Variants in FGGY observed in about 807,000 individuals in gnomAD.
The protein encoded by FGGY is FGGY carbohydrate kinase domain containing.
A neutral mutation model predicts 71.3 loss-of-function variants in FGGY; 72 were observed. The observed-to-expected ratio is 1.01, with a 90% CI of 0.84 to 1.23. The LOEUF (loss-of-function observed/expected upper bound fraction) is 1.23. Among genes scored for constraint, FGGY ranks in the 50% most tolerant of loss-of-function variants. The pLI is 0.00. For synonymous variants in FGGY, 251 were observed against 250.3 expected, an observed-to-expected ratio of 1.00 and a Z score of -0.02; for missense variants, 668 against 682.3, an observed-to-expected ratio of 0.98 and a Z score of 0.23.
chr1:59,303,073 G>A (rs1317726486), intron 1 of FGGY, among the ~76,000 whole-genome samples: 2 of 152,156 alleles, frequency 1.3e-5, no homozygotes, highest in Non-Finnish European at 2.9e-5. Flanking sequence ...ATTGTGAAAT[G>A]ATTACCACAA....
At chr1:59,353,627 T>G (rs899598042) in intron 4 of FGGY, among the ~76,000 whole-genome samples, 4 of 152,362 alleles carry the variant, frequency 2.6e-5, no homozygotes, top group East Asian at 3.9e-4. Context: ...CATTTACCAG[T>G]GCCGCCAGTC....
intron 7 of FGGY, among the ~76,000 whole-genome samples, chr1:59,533,014 C>A (rs140296130): frequency 2.0e-5 from 3 of 152,138 alleles, no homozygotes; most frequent in Non-Finnish European, 4.4e-5. Flanking sequence ...CCAAGATGGC[C>A]GAATAGGAAC....
chr1:59,535,624 C>G (rs1159380824), intron 7 of FGGY, among the ~76,000 whole-genome samples: 1 of 151,340 alleles, frequency 6.6e-6, no homozygotes, highest in Non-Finnish European at 1.5e-5. Context: ...GAAATTATAA[C>G]AAACTATCTC....
At chr1:59,549,424 TCAGA>T (rs2095574419) in intron 7 of FGGY, among the ~76,000 whole-genome samples, 1 of 152,214 alleles carries the variant, frequency 6.6e-6, no homozygotes, top group Non-Finnish European at 1.5e-5. Context: ...TGCCAACACA[TCAGA>T]CTCAAAGACT....
chr1:59,647,312 A>G (rs1448201826), intron 11 of FGGY, among the ~76,000 whole-genome samples: 1 of 152,230 alleles, frequency 6.6e-6, no homozygotes, highest in Non-Finnish European at 1.5e-5. Flanking sequence ...AAACCCTCAG[A>G]AGCAAGGCAA....
intron 8 of FGGY, among the ~76,000 whole-genome samples, chr1:59,600,637 G>A (rs771903289): frequency 1.3e-5 from 2 of 152,188 alleles, no homozygotes; most frequent in African/African-American, 2.4e-5. Flanking sequence ...TAAGCCATCT[G>A]TGGCTTAACA....
At chr1:59,573,187 T>C (rs2096016131) in intron 8 of FGGY, among the ~76,000 whole-genome samples, 1 of 152,142 alleles carries the variant, frequency 6.6e-6, no homozygotes, top group South Asian at 2.1e-4. Flanking sequence ...TGATGCTGAA[T>C]TGAATTGGAG....
intron 2 of FGGY, among the ~76,000 whole-genome samples, chr1:59,332,679 A>G (rs1023063370): frequency 2.6e-5 from 4 of 152,222 alleles, no homozygotes; most frequent in South Asian, 2.1e-4. Flanking sequence ...ACTGAAGGCC[A>G]TGATTGTAAT....
chr1:59,514,414 C>T (rs2094589672), intron 7 of FGGY, among the ~76,000 whole-genome samples: 1 of 152,186 alleles, frequency 6.6e-6, no homozygotes, highest in Non-Finnish European at 1.5e-5. Flanking sequence ...CCAGGACTCA[C>T]TATGTCCTCC....
chr1:59,396,714 T>C (rs2061370523), intron 5 of FGGY, among the ~76,000 whole-genome samples: 1 of 152,190 alleles, frequency 6.6e-6, no homozygotes, highest in South Asian at 2.1e-4. Flanking sequence ...TCTAGGAAAG[T>C]AATTTTTCTG....
intron 14 of FGGY, among the ~76,000 whole-genome samples, chr1:59,692,027 G>A (rs1573282129): frequency 1.3e-5 from 2 of 152,088 alleles, no homozygotes; most frequent in Non-Finnish European, 1.5e-5. Flanking sequence ...AAGGTACAAC[G>A]ATAAGAAAAA....
chr1:59,692,135 A>G (rs1171574849), intron 14 of FGGY, among the ~76,000 whole-genome samples: 3 of 152,246 alleles, frequency 2.0e-5, no homozygotes, highest in Admixed American at 2.0e-4. Flanking sequence ...AGTGCTATAA[A>G]GGAAAAGAAC....
At chr1:59,327,343 A>G (rs7547276) in intron 2 of FGGY, among the ~76,000 whole-genome samples, 29,074 of 152,178 alleles carry the variant, frequency 0.19, 3,357 homozygotes, top group East Asian at 0.35. Flanking sequence ...CTTTATCAGA[A>G]GTAGATTCCA....
intron 8 of FGGY, among the ~76,000 whole-genome samples, chr1:59,597,226 G>C (rs2096533267): frequency 6.6e-6 from 1 of 152,070 alleles, no homozygotes; most frequent in Non-Finnish European, 1.5e-5. Flanking sequence ...GGGTTCTATT[G>C]GGAAACACTT....
rs761342279 is a variant in FGGY, at chr1:59,331,259, A to G, written c.202-8699A>G. 3.3e-5 allele frequency among the ~76,000 whole-genome samples: 5 copies of G among 152,104 alleles called. No individual in the cohort carries two copies. The South Asian group carries it at 8.3e-4, about 25-fold the overall frequency. Reference sequence around the variant, plus strand: ...ATATAAATGAGAGTATTTGGCCTTTATTTCATCATCTTATCATCAAATGGC... The same window carrying G: ...ATATAAATGAGAGTATTTGGCCTTTGTTTCATCATCTTATCATCAAATGGC... On this transcript the variant is annotated intron_variant, in intron 2 of 15. Transcript: ENST00000303721.
intron 4 of FGGY, among the ~76,000 whole-genome samples, chr1:59,347,084 C>CT (rs1045815785): frequency 3.1e-5 from 3 of 98,034 alleles, no homozygotes; most frequent in South Asian, 4.0e-4. Context: ...TTTTTTTCCT[C>CT]TTTTTTTTTC....
intron 7 of FGGY, among the ~76,000 whole-genome samples, chr1:59,532,179 T>C (rs1003289015): frequency 6.6e-6 from 1 of 152,150 alleles, no homozygotes; most frequent in South Asian, 2.1e-4. Flanking sequence ...GAAGTGGGGA[T>C]TCTAGAATTG....
intron 4 of FGGY, among the ~76,000 whole-genome samples, chr1:59,355,052 G>A (rs901273728): frequency 6.6e-6 from 1 of 152,364 alleles, no homozygotes; most frequent in Admixed American, 6.5e-5. Context: ...ATGCAGCCTT[G>A]AGGCCAGGGG....
intron 1 of FGGY, among the ~76,000 whole-genome samples, chr1:59,314,095 A>T (rs993475637): frequency 6.6e-6 from 1 of 151,832 alleles, no homozygotes; most frequent in African/African-American, 2.4e-5. Flanking sequence ...CCTCCCGAGT[A>T]GCTGGGACTA....
Sources: gnomAD v4.1 joint callset for allele counts (sites outside exome capture counted in the v4.1 genomes callset) on GRCh38, gnomAD v4.1.1 for gene constraint, MANE v1.5 for transcripts, NCBI Gene and HGNC (gene_info 2026-07-23, HGNC 2026-07-21) for gene names.